Variants in COL6A3 observed in about 807,000 individuals in gnomAD.
COL6A3 encodes collagen type VI alpha 3 chain.
COL6A3 carries 137 observed loss-of-function variants against 274.1 expected under a neutral mutation model. The observed-to-expected ratio is 0.50, with a 90% CI of 0.44 to 0.58. The LOEUF is 0.58. COL6A3 is among the 20% of genes least tolerant of loss of function. The pLI is 0.00. For synonymous variants in COL6A3, 1,650 were observed against 1,650.6 expected, an observed-to-expected ratio of 1.00 and a Z score of 0.01; for missense variants, 3,950 against 4,124.9, an observed-to-expected ratio of 0.96 and a Z score of 1.16.
intron 39 of COL6A3, among the ~76,000 whole-genome samples, chr2:237,338,198 A>G (rs960190882): frequency 6.6e-6 from 1 of 152,210 alleles, no homozygotes; most frequent in Non-Finnish European, 1.5e-5. Flanking sequence ...ACAGTGTGCC[A>G]GTTCTAACCT....
intron 3 of COL6A3, 95 bp from the exon 4 acceptor site, chr2:237,388,279 A>C: frequency 6.7e-7 from 1 of 1,495,420 alleles, no homozygotes; most frequent in East Asian, 2.3e-5. Context: ...GGAAACCAAT[A>C]AGAAACACGA....
At chr2:237,338,662 GGAGGCTGAAGCAT>G (rs1700670585) in intron 39 of COL6A3, among the ~76,000 whole-genome samples, 1 of 152,166 alleles carries the variant, frequency 6.6e-6, no homozygotes, top group African/African-American at 2.4e-5. Context: ...CAGCTACTCG[GGAGGCTGAAGCAT>G]GAGAATTGCT....
At chr2:237,348,833 T>C (rs1048776331) in intron 28 of COL6A3, among the ~76,000 whole-genome samples, 170 bp from the exon 29 acceptor site, 1 of 152,152 alleles carries the variant, frequency 6.6e-6, no homozygotes, top group Non-Finnish European at 1.5e-5. Flanking sequence ...CTTCCAAGTG[T>C]GAACAAGACC....
At chr2:237,357,968 A>C in intron 21 of COL6A3, 86 bp from the exon 22 acceptor site, 1 of 1,254,214 alleles carries the variant, frequency 8.0e-7, no homozygotes, top group East Asian at 2.3e-5. Flanking sequence ...AAATATTAGC[A>C]AGGACCTGCA....
rs1268580247 is a variant in COL6A3, at chr2:237,344,011, T to G, written c.7668+339A>C. The G allele has an allele frequency of 2.5e-6, 1 of 392,922 alleles. No homozygotes were observed. The highest frequency in any genetic ancestry group is 6.2e-5 in the East Asian group (1 of 16,080). 24.3% of individuals were successfully genotyped at this position (392,922 alleles called of 1,614,324 possible). On this transcript the variant is annotated intron_variant, in intron 36 of 43. Transcript: ENST00000295550. This position sits in a 1 kb window ranked among gnomAD's most constrained non-coding sequence, Gnocchi z 4.8. ...CCATCTTGGGAGGAGACAGGAAGGATGCAAACGTCCAGGTCCTCATGAATA... is the reference window on the plus strand; with the variant it reads ...CCATCTTGGGAGGAGACAGGAAGGAGGCAAACGTCCAGGTCCTCATGAATA...
In COL6A3 at chr2:237,358,547, C is replaced by A; in HGVS notation, c.6445G>T (p.Gly2149Ter). Residue 2149 changes from glycine (G) to a stop codon, truncating the protein, a stop_gained, in exon 21 of 44, where the codon GGA (glycine) becomes TGA (stop). Coordinates refer to ENST00000295550, the MANE Select transcript of COL6A3 (RefSeq NM_004369.4). LOFTEE classifies it high-confidence loss of function. ...GGGTCCCCTCGAATCCCAACATCTC[C>A]TCTTTCTCCTTTCTCTCCTCGAGGT... The part of the protein sequence containing the change: ...KGPRGEKGER[G>*]DVGIRGDPGN... 1 of 1,614,114 alleles carries A rather than the reference C, an allele frequency of 6.2e-7. No individual in the cohort carries two copies. Among genetic ancestry groups the A allele is most frequent in the Non-Finnish European group, 8.5e-7 (1 of 1,179,970 alleles).
intron 3 of COL6A3, among the ~76,000 whole-genome samples, chr2:237,389,284 G>A (rs933960182): frequency 1.3e-5 from 2 of 152,144 alleles, no homozygotes; most frequent in African/African-American, 4.8e-5. Context: ...TTTAAATTTG[G>A]CTGATTTAAA....
rs144514259 is a variant in COL6A3 at position 237,378,986 on chromosome 2, C to T, written c.2147G>A (p.Gly716Asp). The stretch of plus-strand genomic sequence containing the variant: ...GCTTAGGGCTGAGCCTGTGTTCAGG[C>T]CCGAACCTCCCTGGAGCTGCAGCTG... The part of the protein sequence containing the change: ...LRQLQLQGGS[G>D]LNTGSALSYV... The change falls in exon 6 of 44, where the codon GGC (glycine) becomes GAC (aspartate). Residue 716 changes from glycine to aspartate, a missense_variant. Physicochemically the swap from Gly to Asp is moderately conservative, Grantham distance 94. Around this residue, in one of 5 missense-constraint regions of COL6A3, gnomAD observed 1,934 missense variants for 1,984.3 expected, o/e 0.97. Transcript: ENST00000295550. 257 of 1,614,182 alleles carry T rather than the reference C, an allele frequency of 1.6e-4. No homozygotes were observed. The South Asian group carries it at 2.2e-3, about 14-fold the overall frequency.
chr2:237,331,568 A>G (rs990293165), intron 42 of COL6A3, among the ~76,000 whole-genome samples: 9 of 152,086 alleles, frequency 5.9e-5, no homozygotes, highest in Admixed American at 5.9e-4. Flanking sequence ...TTTCGCACCA[A>G]CCTAGTAATT....
chr2:237,332,795 G>A (rs1205488340), intron 42 of COL6A3, among the ~76,000 whole-genome samples: 2 of 152,168 alleles, frequency 1.3e-5, no homozygotes, highest in Non-Finnish European at 2.9e-5. Context: ...AACAAGCCAA[G>A]TCCACATTCT....
At chr2:237,363,145 C>A (rs1574982368) in intron 14 of COL6A3, 108 bp downstream of exon 14, 15 of 887,718 alleles carry the variant, frequency 1.7e-5, no homozygotes, top group South Asian at 1.3e-4. Flanking sequence ...CTACCAAGGC[C>A]CCCCCCCCAC....
chr2:237,386,094 T>C (rs972776731), intron 4 of COL6A3, among the ~76,000 whole-genome samples: 5 of 152,252 alleles, frequency 3.3e-5, no homozygotes, highest in Non-Finnish European at 5.9e-5. Context: ...CTGAGCTTTC[T>C]ACCTGTAATT....
chr2:237,329,249 T>A (rs1365221923), intron 42 of COL6A3: 1 of 152,118 alleles, frequency 6.6e-6, no homozygotes, highest in Non-Finnish European at 1.5e-5. Context: ...GAGACAGGGT[T>A]TCACCATGTT....
At chr2:237,325,189 C>T (rs1190543813) in intron 43 of COL6A3, among the ~76,000 whole-genome samples, 1 of 152,164 alleles carries the variant, frequency 6.6e-6, no homozygotes. Flanking sequence ...CCAGTGACAA[C>T]ATTGTTATTT....
chr2:237,344,527 G>A lies in COL6A3; in HGVS notation c.7491C>T (p.Asn2497=), dbSNP rs751097250. ...LETAMSFVAR[N]TFKRVRNGFL... ...ATCCGTTCCTCACACGCTTAAATGT[G>A]TTCCTGGCCACAAACGACATGGCAG... The change falls in exon 36 of 44, where the codon AAC becomes AAT. Residue 2497 remains asparagine (N), a synonymous_variant. Coordinates refer to ENST00000295550, the MANE Select transcript of COL6A3 (RefSeq NM_004369.4). This position sits in a 1 kb window ranked among gnomAD's most constrained non-coding sequence, Gnocchi z 4.8. 7 of 1,614,168 alleles carry A rather than the reference G, an allele frequency of 4.3e-6. No homozygotes were observed. In the Admixed American group the frequency reaches 8.3e-5, roughly 19 times the overall value.
chr2:237,372,014 C>T lies in COL6A3; in HGVS notation c.4003G>A (p.Gly1335Ser), dbSNP rs1163503795. 1 of 1,614,136 alleles carries T rather than the reference C, an allele frequency of 6.2e-7. No homozygotes were observed. The highest frequency in any genetic ancestry group is 2.2e-5 in the East Asian group (1 of 44,876). ...KRPLGSRIEEGVPQFLVLISS... is the reference protein window; with the variant it reads ...KRPLGSRIEESVPQFLVLISS... ...ATGAGGACCAGGAACTGCGGGACGCCCTCTTCAATGCGGCTCCCCAGGGGC... is the reference window on the plus strand; with the variant it reads ...ATGAGGACCAGGAACTGCGGGACGCTCTCTTCAATGCGGCTCCCCAGGGGC... The change falls in exon 9 of 44, where the codon GGC (glycine) becomes AGC (serine). Residue 1335 changes from glycine (G) to serine (S), a missense_variant. Transcript: ENST00000295550.
rs2077880611 is a variant in COL6A3 at position 237,377,491 on chromosome 2, C to T, written c.2498-147G>A. On this transcript the variant is annotated intron_variant, in intron 6 of 43. Transcript: ENST00000295550. ...AGCAAGAGAAGAGAAAACCCAAATT[C>T]ATACCACTTGTCTTGAAAATGTCCT... 4.0e-6 allele frequency: 3 copies of T among 756,574 alleles called. No individual in the cohort carries two copies. The South Asian group carries it at 4.6e-5, about 12-fold the overall frequency. The allele number at this position is 756,574 out of a possible 1,614,324, so 46.9% of individuals were successfully genotyped here.
Position 237,324,615 on chromosome 2 carries a change from T to C in COL6A3, c.*159A>G, listed in dbSNP as rs1699832669. On this transcript the variant is annotated 3_prime_UTR_variant, in exon 44 of 44. Transcript: ENST00000295550. ...CACAGACACATTAGCACCATACTGA[T>C]AGGTCATGCAGCAGGATGTTCCCTC... 1.4e-6 allele frequency: 1 copy of C among 693,546 alleles called. No homozygotes were observed. Among genetic ancestry groups the C allele is most frequent in the African/African-American group, 1.7e-5 (1 of 57,160 alleles). The allele number at this position is 693,546 out of a possible 1,614,324, so 43.0% of individuals were successfully genotyped here.
At chr2:237,354,957 A>G (rs878876378) in intron 23 of COL6A3, 23 bp from the exon 24 acceptor site, 35 of 1,612,832 alleles carry the variant, frequency 2.2e-5, no homozygotes, top group Non-Finnish European at 3.0e-5. Context: ...AAGTCCCACA[A>G]ACTGTGAGGG....
Sources: allele counts gnomAD v4.1 joint callset (sites outside exome capture counted in the v4.1 genomes callset), GRCh38; gene constraint gnomAD v4.1.1; regional missense constraint gnomAD v4.1.1; non-coding constraint Gnocchi (gnomAD v3.1); transcripts MANE v1.5; gene names NCBI Gene and HGNC (gene_info 2026-07-23, HGNC 2026-07-21).